The following FAF1 variants were observed in gnomAD, a reference collection of about 807,000 sequenced individuals.
FAF1 encodes Fas associated factor 1, also known as FAS-associated factor 1.
A neutral mutation model predicts 92.5 loss-of-function variants in FAF1; 25 were observed. The observed-to-expected ratio is 0.27, with a 90% CI of 0.20 to 0.38. The LOEUF is 0.38. Ranked by LOEUF, FAF1 falls within the 10% of genes least tolerant of loss-of-function variation. The pLI is 1.00. For missense variants in FAF1, 636 were observed against 793.3 expected (o/e 0.80, Z 2.38); for synonymous variants, 234 against 273.2 (o/e 0.86, Z 1.42).
At chr1:50,609,138 A>G (rs1652577348) in intron 8 of FAF1, among the ~76,000 whole-genome samples, 1 of 152,212 alleles carries the variant, frequency 6.6e-6, no homozygotes, top group African/African-American at 2.4e-5. Context: ...GATAGAGCCA[A>G]TGGTGAACAG....
At position 50,744,735 on chromosome 1, in the gene FAF1, A is replaced by G; in HGVS notation, c.408T>C (p.Pro136=). ...KQILENELQI[P]VSKMLLKGWK... ...AGCCTTTTAACAGCATTTTGGACAC[A>G]GGTATCTGAAGTTCATTTTCTAGAA... The change falls in exon 5 of 19, where the codon CCT becomes CCC. Residue 136 remains proline (P), a synonymous_variant. Transcript: ENST00000396153. The G allele has an allele frequency of 1.2e-6, 2 of 1,610,600 alleles. No individual in the cohort carries two copies. Among genetic ancestry groups the G allele is most frequent in the Non-Finnish European group, 1.7e-6 (2 of 1,178,168 alleles).
intron 1 of FAF1, among the ~76,000 whole-genome samples, chr1:50,958,661 G>A (rs1000681379): frequency 2.0e-5 from 3 of 149,314 alleles, no homozygotes; most frequent in Non-Finnish European, 3.0e-5. Flanking sequence ...CTGGGCGACA[G>A]AGCGAGACTC....
At chr1:50,510,470 T>C (rs1443023357) in intron 15 of FAF1, among the ~76,000 whole-genome samples, 2 of 152,080 alleles carry the variant, frequency 1.3e-5, no homozygotes, top group Non-Finnish European at 2.9e-5. Flanking sequence ...AAGCAAGGGA[T>C]GATTCATGAA....
At chr1:50,834,022 G>A (rs914937257) in intron 2 of FAF1, among the ~76,000 whole-genome samples, 6 of 152,344 alleles carry the variant, frequency 3.9e-5, no homozygotes, top group Admixed American at 3.3e-4. Flanking sequence ...AATCCACAAT[G>A]TTAGAGGAAG....
intron 6 of FAF1, among the ~76,000 whole-genome samples, chr1:50,732,521 C>T (rs1257296539): frequency 6.6e-6 from 1 of 152,094 alleles, no homozygotes; most frequent in Non-Finnish European, 1.5e-5. Flanking sequence ...TGCTATTTGC[C>T]TTAAATTCAA....
intron 7 of FAF1, among the ~76,000 whole-genome samples, chr1:50,687,843 A>C (rs1040217509): frequency 2.0e-5 from 3 of 152,028 alleles, no homozygotes; most frequent in Non-Finnish European, 4.4e-5. Context: ...TAGAATGGCT[A>C]TTCTAAAAAA....
intron 2 of FAF1, among the ~76,000 whole-genome samples, chr1:50,827,919 T>C (rs1644117354): frequency 1.3e-5 from 2 of 152,306 alleles, no homozygotes; most frequent in Admixed American, 6.5e-5. Context: ...ACTGTAAATA[T>C]GTTAATTCTT....
intron 7 of FAF1, among the ~76,000 whole-genome samples, chr1:50,667,532 C>G (rs1006898882): frequency 5.9e-5 from 9 of 152,182 alleles, no homozygotes; most frequent in Non-Finnish European, 1.0e-4. Flanking sequence ...TAAACTAAAA[C>G]TGCGTCTATA....
chr1:50,543,180 A>G (rs1013689497), intron 13 of FAF1, among the ~76,000 whole-genome samples: 5 of 152,194 alleles, frequency 3.3e-5, no homozygotes, highest in African/African-American at 9.6e-5. Context: ...TTTAAATTCA[A>G]AACAGGATAT....
chr1:50,819,809 A>G (rs1325558020), intron 2 of FAF1, among the ~76,000 whole-genome samples: 1 of 136,390 alleles, frequency 7.3e-6, no homozygotes, highest in Non-Finnish European at 1.5e-5. Flanking sequence ...ATACATATAT[A>G]TATATATATA....
At chr1:50,851,679 A>G (rs1644350378) in intron 2 of FAF1, among the ~76,000 whole-genome samples, 1 of 152,184 alleles carries the variant, frequency 6.6e-6, no homozygotes, top group African/African-American at 2.4e-5. Flanking sequence ...TCTACCATAG[A>G]TTTTATAAAA....
At chr1:50,679,742 T>C (rs892465806) in intron 7 of FAF1, among the ~76,000 whole-genome samples, 1 of 152,228 alleles carries the variant, frequency 6.6e-6, no homozygotes, top group African/African-American at 2.4e-5. Flanking sequence ...AATGAAAATA[T>C]TGGTAACTGC....
intron 8 of FAF1, among the ~76,000 whole-genome samples, chr1:50,638,637 G>A (rs1654177194): frequency 6.6e-6 from 1 of 151,636 alleles, no homozygotes; most frequent in Non-Finnish European, 1.5e-5. Context: ...GTAGAGACAG[G>A]GTTTCACCAT....
intron 6 of FAF1, among the ~76,000 whole-genome samples, chr1:50,722,646 C>CAAAAAAAAAAAA (rs58511862): frequency 1.5e-5 from 1 of 65,736 alleles, no homozygotes; most frequent in African/African-American, 5.5e-5. Context: ...GCGACAGTCT[C>CAAAAAAAAAAAA]AAAAAAAAAA....
At chr1:50,942,237 A>G (rs1356842013) in intron 1 of FAF1, among the ~76,000 whole-genome samples, 1 of 152,246 alleles carries the variant, frequency 6.6e-6, no homozygotes, top group Admixed American at 6.5e-5. Context: ...GCGGTGGCTC[A>G]TGCCTGTAAT....
At chr1:50,758,977 G>T (rs1214108979) in intron 4 of FAF1, among the ~76,000 whole-genome samples, 1 of 151,856 alleles carries the variant, frequency 6.6e-6, no homozygotes, top group Non-Finnish European at 1.5e-5. Flanking sequence ...CGAGTAGCTG[G>T]GACTACAGGC....
At chr1:50,540,456 G>A (rs559540617) in intron 13 of FAF1, among the ~76,000 whole-genome samples, 1 of 152,200 alleles carries the variant, frequency 6.6e-6, no homozygotes, top group East Asian at 1.9e-4. Flanking sequence ...ATCAACAACT[G>A]TACTTTACAA....
intron 8 of FAF1, chr1:50,612,548 G>C: frequency 1.2e-6 from 1 of 854,598 alleles, no homozygotes; most frequent in Non-Finnish European, 1.4e-6. Context: ...TCAATAGTGA[G>C]ATGCCATTTA....
chr1:50,918,174 CTTTTT>C (rs869179803), intron 1 of FAF1, among the ~76,000 whole-genome samples: 2 of 130,104 alleles, frequency 1.5e-5, no homozygotes, highest in African/African-American at 5.6e-5. Context: ...ATGTAAATTT[CTTTTT>C]TTTTTTTTTT....
Sources: allele counts gnomAD v4.1 joint callset (sites outside exome capture counted in the v4.1 genomes callset), GRCh38; gene constraint gnomAD v4.1.1; transcripts MANE v1.5; gene names NCBI Gene and HGNC (gene_info 2026-07-23, HGNC 2026-07-21).